The following CKAP5 variants were observed in gnomAD, a reference collection of about 807,000 sequenced individuals.
CKAP5 encodes the protein cytoskeleton associated protein 5, also known as cytoskeleton-associated protein 5.
Under a neutral mutation model 232.8 loss-of-function variants are expected in CKAP5, and 27 were observed. The ratio of observed to expected loss-of-function variants is 0.12; its 90% CI spans 0.09 to 0.16. The LOEUF (loss-of-function observed/expected upper bound fraction) is 0.16. CKAP5 is among the 10% of genes least tolerant of loss of function. The pLI is 1.00. For missense variants in CKAP5, 1,838 were observed against 2,424.7 expected (o/e 0.76, Z 5.08); for synonymous variants, 785 against 841.1 (o/e 0.93, Z 1.16).
chr11:46,749,724 C>T (rs375136242), intron 42 of CKAP5, among the ~76,000 whole-genome samples: 2 of 151,530 alleles, frequency 1.3e-5, no homozygotes, highest in East Asian at 2.0e-4. Context: ...GAGGCTGAGG[C>T]GGGCGGATCA....
chr11:46,781,493 C>G (rs192990589), intron 18 of CKAP5, among the ~76,000 whole-genome samples: 4 of 152,304 alleles, frequency 2.6e-5, no homozygotes, highest in Admixed American at 1.3e-4. Context: ...GACCTAGCCC[C>G]TATTCTTTCT....
In CKAP5 at chr11:46,760,463, CAAACA is replaced by C. The variant is rs1463202397; in HGVS notation, c.4394+144_4394+148del. On this transcript the variant is annotated intron_variant, in intron 33 of 43. Coordinates refer to ENST00000529230, the MANE Select transcript of CKAP5 (RefSeq NM_001008938.4). Reference sequence around the variant, plus strand: ...ACAAAGACAATGAAGACTGAAGAATCAAACATTTGGTTACAATACATTTACCCAGA... The same window carrying C: ...ACAAAGACAATGAAGACTGAAGAATCTTTGGTTACAATACATTTACCCAGA... 3.9e-6 allele frequency: 3 copies of C among 779,058 alleles called. No homozygotes were observed. In the African/African-American group the frequency reaches 5.2e-5, roughly 13 times the overall value. The allele number at this position is 779,058 out of a possible 1,614,324, so 48.3% of individuals were successfully genotyped here.
At chr11:46,837,332 C>T (rs542112451) in intron 1 of CKAP5, among the ~76,000 whole-genome samples, 29 of 152,134 alleles carry the variant, frequency 1.9e-4, no homozygotes, top group African/African-American at 7.0e-4. Flanking sequence ...TTTTTCCCCC[C>T]CGCCCATACT....
intron 25 of CKAP5, among the ~76,000 whole-genome samples, 175 bp downstream of exon 25, chr11:46,770,613 G>A (rs2065239260): frequency 6.6e-6 from 1 of 152,154 alleles, no homozygotes; most frequent in Non-Finnish European, 1.5e-5. Context: ...TGTTTTTGTA[G>A]AGATGGGGTT....
At chr11:46,814,621 T>C (rs1939357074) in intron 4 of CKAP5, among the ~76,000 whole-genome samples, 1 of 152,232 alleles carries the variant, frequency 6.6e-6, no homozygotes, top group African/African-American at 2.4e-5. Context: ...GATACCAGAT[T>C]AGAAGAACTG....
chr11:46,774,668 C>T (rs1480247747), intron 24 of CKAP5, among the ~76,000 whole-genome samples: 1 of 152,074 alleles, frequency 6.6e-6, no homozygotes, highest in African/African-American at 2.4e-5. Flanking sequence ...AGAACAGAGG[C>T]CTCAGAAATA....
intron 42 of CKAP5, 27 bp downstream of exon 42, chr11:46,750,247 T>A: frequency 6.2e-7 from 1 of 1,605,036 alleles, no homozygotes; most frequent in Non-Finnish European, 8.5e-7. Flanking sequence ...TTGAGCTTAT[T>A]CCTGGAGCTA....
chr11:46,781,657 C>G (rs1031382797), intron 18 of CKAP5, among the ~76,000 whole-genome samples: 1 of 152,136 alleles, frequency 6.6e-6, no homozygotes, highest in Non-Finnish European at 1.5e-5. Context: ...GAATGCTCCT[C>G]TCTGATTATC....
rs180922760 is a variant in CKAP5 at position 46,792,819 on chromosome 11, A to G, written c.1651-2236T>C. Among the ~76,000 whole-genome samples the G allele has an allele frequency of 2.7e-3, 418 of 152,328 alleles. 2 individuals are homozygous for G. Among genetic ancestry groups the G allele is most frequent in the African/African-American group, 9.5e-3 (396 of 41,570 alleles). On this transcript the variant is annotated intron_variant, in intron 13 of 43. Transcript: ENST00000529230. ...TGGGTTACAGCAAGAAAATCTGGAC[A>G]CATCTTTTAAGGTTTTGGGTCCAGG...
intron 20 of CKAP5, among the ~76,000 whole-genome samples, chr11:46,779,153 A>G (rs1045851451): frequency 2.6e-5 from 4 of 152,092 alleles, no homozygotes; most frequent in African/African-American, 9.7e-5. Flanking sequence ...TTTCTTTTTG[A>G]GACAGAATCT....
At chr11:46,812,007 T>C (rs974998149) in intron 4 of CKAP5, among the ~76,000 whole-genome samples, 3 of 152,150 alleles carry the variant, frequency 2.0e-5, no homozygotes, top group African/African-American at 7.2e-5. Flanking sequence ...CAGTTTTCTA[T>C]GGGGAAAATG....
chr11:46,827,944 C>G (rs1233655306), intron 1 of CKAP5, among the ~76,000 whole-genome samples: 1 of 152,180 alleles, frequency 6.6e-6, no homozygotes, highest in Non-Finnish European at 1.5e-5. Flanking sequence ...TTGTGTCTCC[C>G]ATCATACCAA....
At chr11:46,751,895 T>C (rs906026682) in intron 38 of CKAP5, among the ~76,000 whole-genome samples, 7 of 152,046 alleles carry the variant, frequency 4.6e-5, no homozygotes, top group Admixed American at 1.3e-4. Flanking sequence ...AAATATCTGA[T>C]ACTAATTCAG....
At position 46,811,186 on chromosome 11, in the gene CKAP5, T is replaced by TA. The variant is rs1374458132; in HGVS notation, c.459-9dup. ...ATTTTGGAACCAAATTCACTACAAG[T>TA]AAAAAATTGGGAAAAAACTGTCAAC... On this transcript the variant is annotated splice_polypyrimidine_tract_variant and intron_variant, in intron 4 of 43. Transcript: ENST00000529230. The TA allele has an allele frequency of 1.2e-6, 2 of 1,608,842 alleles. No homozygotes were observed. Among genetic ancestry groups the TA allele is most frequent in the Non-Finnish European group, 1.7e-6 (2 of 1,177,718 alleles).
rs976017741 is a variant in CKAP5, at chr11:46,797,922, A to G, written c.1221T>C (p.Asn407=). The G allele has an allele frequency of 1.9e-6, 3 of 1,613,918 alleles. No homozygotes were observed. The African/African-American group carries it at 4.0e-5, about 22-fold the overall frequency. The change falls in exon 11 of 44, where the codon AAT becomes AAC. Residue 407 remains asparagine, a synonymous_variant. Transcript: ENST00000529230. ...TCTGCTGCTTGATGGTTGGATTTTTATTATCCATTACTGCTAAAACATCCT... is the reference window on the plus strand; with the variant it reads ...TCTGCTGCTTGATGGTTGGATTTTTGTTATCCATTACTGCTAAAACATCCT... The part of the protein sequence containing the change: ...ISEDVLAVMD[N]KNPTIKQQTS...
chr11:46,806,917 T>C (rs1939168759), intron 8 of CKAP5, among the ~76,000 whole-genome samples: 1 of 152,234 alleles, frequency 6.6e-6, no homozygotes, highest in Non-Finnish European at 1.5e-5. Flanking sequence ...AAGTGTCTTT[T>C]TCATGGTTTA....
chr11:46,750,032 T>A (rs2065051734), intron 42 of CKAP5, among the ~76,000 whole-genome samples: 1 of 151,840 alleles, frequency 6.6e-6, no homozygotes, highest in Non-Finnish European at 1.5e-5. Flanking sequence ...CATGGAGAAC[T>A]GGAAGCGAAG....
intron 15 of CKAP5, among the ~76,000 whole-genome samples, chr11:46,789,176 C>T (rs761280833): frequency 1.3e-5 from 2 of 152,110 alleles, no homozygotes; most frequent in Non-Finnish European, 2.9e-5. Flanking sequence ...TCTAAAGTAC[C>T]GAATATCAAA....
chr11:46,754,544 C>T (rs2065096017), intron 36 of CKAP5, among the ~76,000 whole-genome samples: 3 of 152,072 alleles, frequency 2.0e-5, no homozygotes, highest in African/African-American at 7.2e-5. Context: ...GGTATTTCAA[C>T]ACATGTATAC....
Sources: gnomAD v4.1 joint callset for allele counts (sites outside exome capture counted in the v4.1 genomes callset) on GRCh38, gnomAD v4.1.1 for gene constraint, MANE v1.5 for transcripts, NCBI Gene and HGNC (gene_info 2026-07-23, HGNC 2026-07-21) for gene names.